The following ERC2 variants were observed in gnomAD, a reference collection of about 807,000 sequenced individuals.
ERC2 encodes the protein ERC protein 2.
Under a neutral mutation model 114.8 loss-of-function variants are expected in ERC2, and 42 were observed. The observed-to-expected ratio is 0.37, with a 90% CI of 0.29 to 0.47. The LOEUF is 0.47. ERC2 is among the 20% of genes least tolerant of loss of function. The pLI is 0.99. For missense variants in ERC2, 939 were observed against 1,150.7 expected, an observed-to-expected ratio of 0.82 and a Z score of 2.66; for synonymous variants, 454 against 425.5, an observed-to-expected ratio of 1.07 and a Z score of -0.82.
chr3:56,084,885 A>G (rs2077425293), intron 6 of ERC2, among the ~76,000 whole-genome samples: 1 of 151,858 alleles, frequency 6.6e-6, no homozygotes, highest in African/African-American at 2.4e-5. Flanking sequence ...AAAAAAAAGA[A>G]AAGTTCAGGG....
intron 17 of ERC2, among the ~76,000 whole-genome samples, chr3:55,566,322 A>T (rs2107503093): frequency 6.6e-6 from 1 of 152,352 alleles, no homozygotes; most frequent in East Asian, 1.9e-4. Flanking sequence ...TGCGCAAGGA[A>T]CAAAGTAGGC....
chr3:56,332,554 T>C (rs2057673636), intron 2 of ERC2, among the ~76,000 whole-genome samples: 1 of 152,194 alleles, frequency 6.6e-6, no homozygotes, highest in African/African-American at 2.4e-5. Context: ...ACTCCATCCC[T>C]GATTTCACAT....
At chr3:55,981,500 G>A (rs112466690) in intron 12 of ERC2, among the ~76,000 whole-genome samples, 7 of 152,244 alleles carry the variant, frequency 4.6e-5, no homozygotes, top group African/African-American at 1.7e-4. Flanking sequence ...ATTTGGTGAG[G>A]GGAGGGATCA....
chr3:56,154,523 T>C (rs2081591862), intron 4 of ERC2, among the ~76,000 whole-genome samples: 1 of 152,158 alleles, frequency 6.6e-6, no homozygotes, highest in African/African-American at 2.4e-5. Context: ...TCTCTGTGCA[T>C]ATTACTAAGG....
chr3:56,459,587 A>G (rs982610378), intron 1 of ERC2, among the ~76,000 whole-genome samples: 29 of 152,252 alleles, frequency 1.9e-4, no homozygotes, highest in African/African-American at 6.7e-4. Flanking sequence ...AGCAAAATGT[A>G]GACTCTGAAA....
Position 55,639,698 on chromosome 3 carries a change from C to CT in ERC2, c.*39+44095dup, listed in dbSNP as rs140117842. ...ATCCTTATATTTAGAAAACCTGTCT[C>CT]TTGCTTTTAACCCAACCAAACCTAA... On this transcript the variant is annotated intron_variant, in intron 17 of 17. Coordinates refer to ENST00000288221, the MANE Select transcript of ERC2 (RefSeq NM_015576.3). Among the ~76,000 whole-genome samples the CT allele has an allele frequency of 8.3e-4, 126 of 152,330 alleles. 1 individual carries two copies. In the East Asian group the frequency reaches 0.022, roughly 27 times the overall value.
intron 6 of ERC2, among the ~76,000 whole-genome samples, chr3:56,097,862 A>G (rs1405941793): frequency 6.6e-6 from 1 of 152,224 alleles, no homozygotes; most frequent in Non-Finnish European, 1.5e-5. Context: ...GCATTTACCC[A>G]TTTAAACAGT....
At chr3:55,698,283 T>G (rs1042571504) in intron 16 of ERC2, among the ~76,000 whole-genome samples, 6 of 152,056 alleles carry the variant, frequency 3.9e-5, no homozygotes, top group Non-Finnish European at 7.4e-5. Flanking sequence ...GCTGCCTCAC[T>G]GCACAGCTCC....
chr3:55,738,423 G>C (rs939554733), intron 14 of ERC2, among the ~76,000 whole-genome samples: 31 of 152,220 alleles, frequency 2.0e-4, no homozygotes, highest in African/African-American at 7.2e-4. Flanking sequence ...TTTAAAACTT[G>C]TAAGTTAAGC....
intron 5 of ERC2, 115 bp from the exon 6 acceptor site, chr3:56,139,791 G>T (rs913461659): frequency 1.7e-6 from 2 of 1,168,726 alleles, no homozygotes; most frequent in Non-Finnish European, 2.4e-6. Context: ...ATCCAACAAG[G>T]CAGGCCACGA....
intron 13 of ERC2, among the ~76,000 whole-genome samples, chr3:55,928,920 G>C (rs2065907775): frequency 6.6e-6 from 1 of 152,188 alleles, no homozygotes; most frequent in Admixed American, 6.5e-5. Context: ...GTTCACTGTA[G>C]ATGTCTGGAT....
intron 15 of ERC2, among the ~76,000 whole-genome samples, chr3:55,733,568 A>G (rs1216190739): frequency 6.8e-6 from 1 of 147,708 alleles, no homozygotes; most frequent in Non-Finnish European, 1.5e-5. Context: ...ACACACACAC[A>G]CACACACACA....
At chr3:55,686,930 G>A (rs1396950946) in intron 16 of ERC2, among the ~76,000 whole-genome samples, 1 of 152,170 alleles carries the variant, frequency 6.6e-6, no homozygotes, top group Non-Finnish European at 1.5e-5. Context: ...AACATCCAAG[G>A]TGGACCGAAG....
At chr3:56,163,160 T>C (rs2316476) in intron 4 of ERC2, among the ~76,000 whole-genome samples, 70,803 of 151,928 alleles carry the variant, frequency 0.47, 16,827 homozygotes, top group East Asian at 0.7. Context: ...TTAATTTCCA[T>C]GTAATTATGT....
chr3:55,728,769 T>G (rs1180870468), intron 15 of ERC2, among the ~76,000 whole-genome samples: 1 of 152,212 alleles, frequency 6.6e-6, no homozygotes, highest in Non-Finnish European at 1.5e-5. Flanking sequence ...TCTACCTGCA[T>G]GCCTCTTGAC....
intron 2 of ERC2, among the ~76,000 whole-genome samples, chr3:56,298,610 C>G (rs1426281108): frequency 6.6e-6 from 1 of 150,912 alleles, no homozygotes; most frequent in Non-Finnish European, 1.5e-5. Flanking sequence ...AGAAACCAGT[C>G]ACAAAAGACC....
intron 17 of ERC2, chr3:55,612,849 T>C (rs1184305324): frequency 2.0e-5 from 3 of 152,220 alleles, no homozygotes; most frequent in African/African-American, 4.8e-5. Context: ...ACTGTTACAG[T>C]AAACTTCCCT....
intron 3 of ERC2, among the ~76,000 whole-genome samples, chr3:56,210,960 C>A (rs959114920): frequency 4.6e-5 from 7 of 152,040 alleles, no homozygotes; most frequent in African/African-American, 1.7e-4. Flanking sequence ...GATATCACCA[C>A]CAAGGGGGCA....
At chr3:55,792,451 A>T (rs9311583) in intron 14 of ERC2, among the ~76,000 whole-genome samples, 4,141 of 152,166 alleles carry the variant, frequency 0.027, 201 homozygotes, top group African/African-American at 0.094. Context: ...ACAAATGTTT[A>T]TTTTTCTGCT....
Sources: allele counts gnomAD v4.1 joint callset (sites outside exome capture counted in the v4.1 genomes callset), GRCh38; gene constraint gnomAD v4.1.1; transcripts MANE v1.5; gene names NCBI Gene and HGNC (gene_info 2026-07-23, HGNC 2026-07-21).